UBA1: variants seen among roughly 807,000 people sequenced by gnomAD.
UBA1 encodes ubiquitin like modifier activating enzyme 1, also known as ubiquitin-like modifier-activating enzyme 1.
A neutral mutation model predicts 84.7 loss-of-function variants in UBA1; 4 were observed. That is an observed-to-expected ratio of 0.05 (90% CI 0.02 to 0.11). UBA1 has a LOEUF of 0.11. Ranked by LOEUF, UBA1 falls within the 10% of genes least tolerant of loss-of-function variation. The probability of loss-of-function intolerance (pLI) is 1.00; values close to 1 mark genes in which losing one functional copy is unlikely to be tolerated. For synonymous variants in UBA1, 364 were observed against 362.6 expected (o/e 1.00, Z -0.04); for missense variants, 513 against 902.8 (o/e 0.57, Z 5.53).
chrX:47,204,344 A>G (rs1670058252), intron 14 of UBA1, among the ~76,000 whole-genome samples: 2 of 109,653 alleles, frequency 1.8e-5, no homozygotes, highest in African/African-American at 6.7e-5. Context: ...GGCTGGTGCA[A>G]GTTTCTAGGA....
Position 47,214,444 on chromosome X carries a change from T to C in UBA1, c.2940+16T>C. On this transcript the variant is annotated intron_variant, in intron 24 of 25. Coordinates refer to ENST00000335972, the MANE Select transcript of UBA1 (RefSeq NM_003334.4). Reference sequence around the variant, plus strand: ...CTATTTTAAGGTAAGGCCCCTCCCTTACTCTGTCACCCCACCTCAGGGGGC... The same window carrying C: ...CTATTTTAAGGTAAGGCCCCTCCCTCACTCTGTCACCCCACCTCAGGGGGC... 1.7e-6 allele frequency: 2 copies of C among 1,207,389 alleles called. No homozygotes were observed. Among genetic ancestry groups the C allele is most frequent in the Non-Finnish European group, 2.2e-6 (2 of 891,723 alleles).
Position 47,198,822 on chromosome X carries a change from C to T in UBA1, c.20C>T (p.Ser7Phe), listed in dbSNP as rs1412869340. 8.3e-7 allele frequency: 1 copy of T among 1,210,383 alleles called. No homozygotes were observed. Among genetic ancestry groups the T allele is most frequent in the Non-Finnish European group, 1.1e-6 (1 of 895,300 alleles). Residue 7 changes from serine (S) to phenylalanine (F), a missense_variant, in exon 2 of 26, where the codon TCC (serine) becomes TTC (phenylalanine). By Grantham distance (155) the Ser-to-Phe change is radical (BLOSUM62 -2). This residue lies in a region of UBA1 where 38 missense variants were observed against 43.4 expected (regional missense o/e 0.88). Coordinates refer to ENST00000335972, the MANE Select transcript of UBA1 (RefSeq NM_003334.4). ...CTCCAGATGTCCAGCTCGCCGCTGT[C>T]CAAGAAACGTCGCGTGTCCGGGCCT... MSSSPLSKKRRVSGPDP... is the reference protein window; with the variant it reads MSSSPLFKKRRVSGPDP...
chrX:47,200,341 T>A (rs1383216913), intron 5 of UBA1, among the ~76,000 whole-genome samples: 1 of 112,135 alleles, frequency 8.9e-6, no homozygotes, highest in Non-Finnish European at 1.9e-5. Context: ...GATGGGTGTT[T>A]GTTAATTAAA....
At chrX:47,205,324 G>A in intron 14 of UBA1, 1 of 298,910 alleles carries the variant, frequency 3.3e-6, no homozygotes, top group South Asian at 3.2e-5. Context: ...GGTTGGGGGA[G>A]TCTGCATCAA....
intron 1 of UBA1, chrX:47,197,984 T>C (rs1410532427): frequency 1.1e-6 from 1 of 870,722 alleles, no homozygotes; most frequent in Non-Finnish European, 1.4e-6. Context: ...ATCAATCTAA[T>C]ACTCATTTAT....
intron 23 of UBA1, 78 bp from the exon 24 acceptor site, chrX:47,214,241 TGCATGGGG>T: frequency 1.2e-6 from 1 of 822,372 alleles, no homozygotes; most frequent in East Asian, 3.1e-5. Context: ...TAAACACGTC[TGCATGGGG>T]GTAGGGGGGA....
intron 16 of UBA1, among the ~76,000 whole-genome samples, chrX:47,208,364 A>G (rs1936776819): frequency 9.0e-6 from 1 of 111,442 alleles, no homozygotes; most frequent in Non-Finnish European, 1.9e-5. Flanking sequence ...CGTGCCCGTT[A>G]CGTTGACCAG....
intron 20 of UBA1, among the ~76,000 whole-genome samples, chrX:47,211,775 C>G (rs1936928500): frequency 9.3e-6 from 1 of 107,666 alleles, no homozygotes; most frequent in South Asian, 4.2e-4. Context: ...TTATATCTCC[C>G]CCGTCTTCCT....
At chrX:47,206,199 G>T (rs782309527) in intron 15 of UBA1, 49 bp from the exon 16 acceptor site, 42 of 1,179,639 alleles carry the variant, frequency 3.6e-5, no homozygotes, top group Non-Finnish European at 4.6e-5. Flanking sequence ...CCGTCTTTCT[G>T]TCCTCTCCTG....
At position 47,202,951 on chromosome X, in the gene UBA1, C is replaced by T. The variant is rs369843264; in HGVS notation, c.1242C>T (p.Ser414=). 3.4e-4 allele frequency: 406 copies of T among 1,209,369 alleles called. No individual in the cohort carries two copies. The highest frequency in any genetic ancestry group is 4.2e-4 in the Non-Finnish European group (375 of 894,744). ...LAAQEVMKAC[S]GKFMPIMQWL... ...TCCCTTCCCCTCTCCAGGCCTGCTCCGGGAAGTTCATGCCCATCATGCAGT... is the reference window on the plus strand; with the variant it reads ...TCCCTTCCCCTCTCCAGGCCTGCTCTGGGAAGTTCATGCCCATCATGCAGT... Residue 414 remains serine (S), a synonymous_variant, in exon 12 of 26, where the codon TCC becomes TCT. Coordinates refer to ENST00000335972, the MANE Select transcript of UBA1 (RefSeq NM_003334.4).
rs1333707504 is a variant in UBA1, at chrX:47,213,168, C to T, written c.2825C>T (p.Ala942Val). 3.3e-6 allele frequency: 4 copies of T among 1,209,099 alleles called. No homozygotes were observed. The African/African-American group carries it at 5.3e-5, about 16-fold the overall frequency. The change falls in exon 23 of 26, where the codon GCA becomes GTA. Residue 942 changes from alanine to valine, a missense_variant. Around this residue, in one of 6 missense-constraint regions of UBA1, gnomAD observed 151 missense variants for 260.1 expected, o/e 0.58. Coordinates refer to ENST00000335972, the MANE Select transcript of UBA1 (RefSeq NM_003334.4). The part of the protein sequence containing the change: ...PFFGFSEPLA[A>V]PRHQYYNQEW... ...TTTGGTTTCTCTGAACCCCTTGCCG[C>T]ACCACGTCACCAGGTGGGGGCCTGC...
chrX:47,213,338 A>C (rs932556054), intron 23 of UBA1, among the ~76,000 whole-genome samples, 157 bp downstream of exon 23: 1 of 111,821 alleles, frequency 8.9e-6, no homozygotes, highest in Non-Finnish European at 1.9e-5. Context: ...ACATTATTTG[A>C]GTACGTGCGA....
chrX:47,213,743 T>A (rs185011117), intron 23 of UBA1, among the ~76,000 whole-genome samples: 9 of 110,412 alleles, frequency 8.2e-5, no homozygotes, highest in African/African-American at 2.7e-4. Context: ...GGTAGGCACC[T>A]GTAATCCCAG....
intron 8 of UBA1, 69 bp downstream of exon 8, chrX:47,201,679 T>C (rs1282452019): frequency 8.7e-7 from 1 of 1,149,577 alleles, no homozygotes; most frequent in Non-Finnish European, 1.2e-6. Flanking sequence ...GCCGGGGAGT[T>C]GAAGGGAGAA....
At chrX:47,192,058 A>G (rs1192067375), upstream of UBA1, among the ~76,000 whole-genome samples, 1 of 112,150 alleles carries the variant, frequency 8.9e-6, no homozygotes, top group Non-Finnish European at 1.9e-5. Flanking sequence ...TCGTTTAGCT[A>G]CTTAGCGCAT....
chrX:47,213,631 C>T (rs1199098433), intron 23 of UBA1, among the ~76,000 whole-genome samples: 17 of 112,024 alleles, frequency 1.5e-4, no homozygotes, highest in African/African-American at 5.5e-4. Context: ...TTTGGGAGGC[C>T]GAGGCACGTG....
intron 16 of UBA1, among the ~76,000 whole-genome samples, chrX:47,208,290 TGTAA>T (rs1432423263): frequency 6.4e-5 from 7 of 108,701 alleles, no homozygotes; most frequent in East Asian, 2.8e-4. Flanking sequence ...TGTGTGTGTG[TGTAA>T]GTGTCTGTGT....
intron 16 of UBA1, chrX:47,208,548 G>A (rs1556792165): frequency 9.0e-6 from 1 of 111,465 alleles, no homozygotes; most frequent in African/African-American, 3.3e-5. Context: ...TTAAAAAACT[G>A]TGGTAAGATA....
At chrX:47,211,884 C>T (rs1394762579) in intron 20 of UBA1, among the ~76,000 whole-genome samples, 1 of 109,280 alleles carries the variant, frequency 9.2e-6, no homozygotes, top group Admixed American at 9.8e-5. Context: ...CCAATCTTTC[C>T]TTCCATAGCT....
Sources: gnomAD v4.1 joint callset for allele counts (sites outside exome capture counted in the v4.1 genomes callset) on GRCh38, gnomAD v4.1.1 for gene constraint, gnomAD v4.1.1 regional missense constraint, MANE v1.5 for transcripts, NCBI Gene and HGNC (gene_info 2026-07-23, HGNC 2026-07-21) for gene names.